ZHX3: variants seen among roughly 807,000 people sequenced by gnomAD.
The protein encoded by ZHX3 is zinc fingers and homeoboxes protein 3.
In ZHX3, 20 loss-of-function variants were observed where a neutral mutation model predicts 64.5. The observed-to-expected ratio is 0.31, with a 90% CI of 0.22 to 0.45. The LOEUF (loss-of-function observed/expected upper bound fraction) is 0.45. ZHX3 is among the 20% of genes least tolerant of loss of function. ZHX3 has a pLI of 1.00. For synonymous variants in ZHX3, 423 were observed against 461.6 expected (o/e 0.92, Z 1.07); for missense variants, 1,041 against 1,195.8 (o/e 0.87, Z 1.91).
At chr20:41,303,981 A>C (rs952821763) in intron 1 of ZHX3, among the ~76,000 whole-genome samples, 1 of 152,222 alleles carries the variant, frequency 6.6e-6, no homozygotes, top group African/African-American at 2.4e-5. Flanking sequence ...ACCTCCAGTG[A>C]TACCTCTTAA....
At position 41,203,020 on chromosome 20, in the gene ZHX3, G is replaced by C; in HGVS notation, c.1897C>G (p.Gln633Glu). The stretch of plus-strand genomic sequence containing the variant: ...TCCTCATCAAGAGGAAGAGGGTTTT[G>C]TGCAAAACTGCTCTCCAGGGCTCTG... ...QLRALESSFA[Q>E]NPLPLDEELD... is the part of the protein sequence containing the mutation. The change falls in exon 3 of 4, where the codon CAA becomes GAA. Residue 633 changes from glutamine (Q) to glutamate (E), a missense_variant. This residue lies in a region of ZHX3 where 649 missense variants were observed against 739.8 expected (regional missense o/e 0.88). Transcript: ENST00000683867. This position sits in a 1 kb window ranked among gnomAD's most constrained non-coding sequence, Gnocchi z 7.1. The C allele has an allele frequency of 2.5e-6, 4 of 1,614,154 alleles. No individual in the cohort carries two copies. In the Middle Eastern group the frequency reaches 6.6e-4, roughly 266 times the overall value.
intron 2 of ZHX3, among the ~76,000 whole-genome samples, chr20:41,207,117 ACCAGG>A (rs1456954565): frequency 6.6e-6 from 1 of 152,186 alleles, no homozygotes; most frequent in Admixed American, 6.5e-5. Flanking sequence ...TTTTGTCACC[ACCAGG>A]CCTGCCTTAC....
At chr20:41,240,809 C>G (rs1441830272) in intron 2 of ZHX3, among the ~76,000 whole-genome samples, 1 of 152,190 alleles carries the variant, frequency 6.6e-6, no homozygotes, top group Non-Finnish European at 1.5e-5. Context: ...ATAATGACCT[C>G]CAGTTCTATC....
intron 1 of ZHX3, among the ~76,000 whole-genome samples, chr20:41,276,604 G>A (rs780901600): frequency 5.3e-5 from 8 of 152,134 alleles, no homozygotes; most frequent in South Asian, 4.1e-4. Context: ...CAGGCCTGCC[G>A]TTCTGTGCCC....
rs1381961266 is a variant in ZHX3, at chr20:41,212,327, A to G, written c.-150-7261T>C. Among the ~76,000 whole-genome samples the G allele has an allele frequency of 1.3e-5, 2 of 152,196 alleles. No individual in the cohort carries two copies. The highest frequency in any genetic ancestry group is 6.5e-5 in the Admixed American group (1 of 15,276). ...TAGGAAAACACAAATCAAAACCACAATGAGATACCACTTCACACCCACCAA... is the reference window on the plus strand; with the variant it reads ...TAGGAAAACACAAATCAAAACCACAGTGAGATACCACTTCACACCCACCAA... On this transcript the variant is annotated intron_variant, in intron 2 of 3. Transcript: ENST00000683867. The surrounding 1 kb of genome is among the most constrained non-coding windows in gnomAD (Gnocchi z 4.3).
At chr20:41,213,734 T>G (rs1439214672) in intron 2 of ZHX3, 1 of 152,268 alleles carries the variant, frequency 6.6e-6, no homozygotes, top group Admixed American at 6.5e-5. Context: ...TTTTACTTAC[T>G]AAGGCTGAGA....
chr20:41,202,013 C>A lies in ZHX3; in HGVS notation c.2860+44G>T. 1 of 1,527,058 alleles carries A rather than the reference C, an allele frequency of 6.5e-7. No individual in the cohort carries two copies. 94.6% of individuals were successfully genotyped at this position (1,527,058 alleles called of 1,614,324 possible). On this transcript the variant is annotated intron_variant, in intron 3 of 3. Coordinates refer to ENST00000683867, the MANE Select transcript of ZHX3 (RefSeq NM_001384317.1). The surrounding 1 kb of genome is among the most constrained non-coding windows in gnomAD (Gnocchi z 7.0). Reference sequence around the variant, plus strand: ...AGTGCCCAACCATAAGTGCCTCCTCCCCTTACCCACACAGGATAGCCATGG... The same window carrying A: ...AGTGCCCAACCATAAGTGCCTCCTCACCTTACCCACACAGGATAGCCATGG...
Position 41,189,849 on chromosome 20 carries a change from T to G in ZHX3, c.2861-4648A>C, listed in dbSNP as rs780114427. ...TTGCCTGATTTCTCTGGCTAGAACT[T>G]CCAGTACTATGCTGAATAGGAGCGG... On this transcript the variant is annotated intron_variant, in intron 3 of 3. Transcript: ENST00000683867. 2.0e-4 allele frequency among the ~76,000 whole-genome samples: 31 copies of G among 152,190 alleles called. 1 individual carries two copies. The highest frequency in any genetic ancestry group is 2.5e-4 in the Non-Finnish European group (17 of 68,034).
intron 2 of ZHX3, among the ~76,000 whole-genome samples, chr20:41,229,826 G>C (rs59130313): frequency 0.022 from 3,275 of 152,128 alleles, 109 homozygotes; most frequent in African/African-American, 0.074. Flanking sequence ...TTAGATATAT[G>C]GTTTGCAAGT....
Position 41,180,087 on chromosome 20 carries a change from C to A in ZHX3, c.*5104G>T, listed in dbSNP as rs2036192412. The A allele has an allele frequency of 6.5e-6, 1 of 152,734 alleles. No individual in the cohort carries two copies. Among genetic ancestry groups the A allele is most frequent in the South Asian group, 2.1e-4 (1 of 4,836 alleles). The allele number at this position is 152,734 out of a possible 1,614,324, so 9.5% of individuals were successfully genotyped here. ...CAAGCCAGTCTCCTGAAGGAAGAGG[C>A]ACTAATGGCAGGTAAATGCTCAGGC... On this transcript the variant is annotated 3_prime_UTR_variant, in exon 4 of 4. Transcript: ENST00000683867.
At chr20:41,249,946 A>G (rs769390325) in intron 2 of ZHX3, among the ~76,000 whole-genome samples, 1 of 152,220 alleles carries the variant, frequency 6.6e-6, no homozygotes, top group Non-Finnish European at 1.5e-5. Context: ...AGAGGGCAGC[A>G]GAGGATTGAA....
At chr20:41,270,680 A>G (rs946046370) in intron 1 of ZHX3, among the ~76,000 whole-genome samples, 7 of 150,336 alleles carry the variant, frequency 4.7e-5, no homozygotes, top group Non-Finnish European at 1.0e-4. Flanking sequence ...CGTCTCAGAA[A>G]AAAAAAAAAA....
chr20:41,287,376 C>T (rs1234231593), intron 1 of ZHX3, among the ~76,000 whole-genome samples: 5 of 152,140 alleles, frequency 3.3e-5, no homozygotes, highest in Admixed American at 2.6e-4. Context: ...TATAATATGT[C>T]TTACCTTCTG....
chr20:41,306,958 T>C (rs1293943514), intron 1 of ZHX3, among the ~76,000 whole-genome samples: 2 of 152,190 alleles, frequency 1.3e-5, no homozygotes, highest in Admixed American at 1.3e-4. Flanking sequence ...CCTACAAGGC[T>C]AGCACAATGG....
chr20:41,192,840 C>A (rs1457665207), intron 3 of ZHX3, among the ~76,000 whole-genome samples: 1 of 152,198 alleles, frequency 6.6e-6, no homozygotes, highest in African/African-American at 2.4e-5. Context: ...AATCTCCTGG[C>A]ACCTCCTATG....
chr20:41,215,279 A>T (rs544654562), intron 2 of ZHX3, among the ~76,000 whole-genome samples: 1 of 152,106 alleles, frequency 6.6e-6, no homozygotes, highest in African/African-American at 2.4e-5. Context: ...AATACAAATA[A>T]AAATAAAAAT....
intron 3 of ZHX3, among the ~76,000 whole-genome samples, chr20:41,190,224 A>C (rs2036896485): frequency 1.3e-5 from 2 of 152,302 alleles, no homozygotes; most frequent in Non-Finnish European, 2.9e-5. Flanking sequence ...GCCCAGGTGG[A>C]AGCACAGGGG....
rs2040147914 is a variant in ZHX3 at position 41,224,627 on chromosome 20, T to C, written c.-150-19561A>G. Among the ~76,000 whole-genome samples, 2 of 152,204 alleles carry C rather than the reference T, an allele frequency of 1.3e-5. No homozygotes were observed. Among genetic ancestry groups the C allele is most frequent in the South Asian group, 4.1e-4 (2 of 4,832 alleles). On this transcript the variant is annotated intron_variant, in intron 2 of 3. Coordinates refer to ENST00000683867, the MANE Select transcript of ZHX3 (RefSeq NM_001384317.1). This position sits in a 1 kb window ranked among gnomAD's most constrained non-coding sequence, Gnocchi z 5.2. ...CACAGAGGAGGACTTTGAGGTGAAG[T>C]GACCCAGTGGGACAAGGAAACACTG...
At chr20:41,271,591 A>T (rs1313219882) in intron 1 of ZHX3, among the ~76,000 whole-genome samples, 1 of 152,184 alleles carries the variant, frequency 6.6e-6, no homozygotes, top group Non-Finnish European at 1.5e-5. Context: ...CATTTGCTGG[A>T]GAAAAAAGTC....
Sources: allele counts gnomAD v4.1 joint callset (sites outside exome capture counted in the v4.1 genomes callset), GRCh38; gene constraint gnomAD v4.1.1; regional missense constraint gnomAD v4.1.1; non-coding constraint Gnocchi (gnomAD v3.1); transcripts MANE v1.5; gene names NCBI Gene and HGNC (gene_info 2026-07-23, HGNC 2026-07-21).